The following PASK variants were observed in gnomAD, a reference collection of about 807,000 sequenced individuals.
The protein encoded by PASK is PAS domain-containing serine/threonine-protein kinase.
Under a neutral mutation model 121.0 loss-of-function variants are expected in PASK, and 110 were observed. The ratio of observed to expected loss-of-function variants is 0.91; its 90% confidence interval spans 0.78 to 1.06. The LOEUF (loss-of-function observed/expected upper bound fraction) is 1.06, where lower values mean the gene tolerates loss of function less well. PASK is among the 50% of genes least tolerant of loss of function. The pLI, the probability that PASK is intolerant of heterozygous loss-of-function variation, is 0.00. For synonymous variants in PASK, 686 were observed against 717.8 expected (o/e 0.96, Z 0.71); for missense variants, 1,643 against 1,702.3 (o/e 0.97, Z 0.61).
At chr2:241,120,215 A>G (rs774578760) in intron 12 of PASK, among the ~76,000 whole-genome samples, 11 of 152,150 alleles carry the variant, frequency 7.2e-5, no homozygotes, top group Non-Finnish European at 1.6e-4. Flanking sequence ...GGGCAGGGCC[A>G]GGCACAGTGG....
chr2:241,132,144 C>A (rs2066174926), intron 9 of PASK, among the ~76,000 whole-genome samples: 1 of 150,280 alleles, frequency 6.7e-6, no homozygotes, highest in South Asian at 2.1e-4. Context: ...GAGAATAGAA[C>A]AAGTTTTTAT....
chr2:241,114,182 AG>A, intron 14 of PASK: 1 of 977,052 alleles, frequency 1.0e-6, no homozygotes, highest in Non-Finnish European at 1.2e-6. Flanking sequence ...ACACAGGAAG[AG>A]GGAGAGAGGT....
At chr2:241,133,868 G>A (rs532219654) in intron 8 of PASK, 1 of 152,116 alleles carries the variant, frequency 6.6e-6, no homozygotes, top group African/African-American at 2.4e-5. Context: ...TGTAATCCCA[G>A]CTACTCGGAA....
At chr2:241,150,064 G>A, upstream of PASK, 1 of 1,332,550 alleles carries the variant, frequency 7.5e-7, no homozygotes, top group Middle Eastern at 2.8e-4. Context: ...GATGCACGTA[G>A]GACTGGCCCG....
In PASK at chr2:241,139,915, G is replaced by A. The variant is rs749540058; in HGVS notation, c.570C>T (p.Asp190=). The part of the protein sequence containing the change: ...EALSEEHMEA[D]GHAAVVFGTV... Reference sequence around the variant, plus strand: ...TGCCAAACACCACCGCAGCGTGGCCGTCGGCCTCCATGTGCTCCTCGCTGA... The same window carrying A: ...TGCCAAACACCACCGCAGCGTGGCCATCGGCCTCCATGTGCTCCTCGCTGA... The change falls in exon 4 of 18, where the codon GAC becomes GAT. Residue 190 remains aspartate, a synonymous_variant. Coordinates refer to ENST00000234040, the MANE Select transcript of PASK (RefSeq NM_015148.4). 37 of 1,614,028 alleles carry A rather than the reference G, an allele frequency of 2.3e-5. No homozygotes were observed. The highest frequency in any genetic ancestry group is 8.3e-5 in the Admixed American group (5 of 60,010).
In PASK at chr2:241,149,443, G is replaced by A. The variant is rs140964019; in HGVS notation, c.-72C>T. ...ATCAGGCGAGGGTCACGCCAAGCCG[G>A]CTACACACCACGGAAAGGAGCCCTT... On this transcript the variant is annotated 5_prime_UTR_variant, in exon 1 of 18. Transcript: ENST00000234040. 1.8e-6 allele frequency: 1 copy of A among 569,830 alleles called. No homozygotes were observed. Among genetic ancestry groups the A allele is most frequent in the South Asian group, 2.1e-5 (1 of 48,326 alleles). 35.3% of individuals were successfully genotyped at this position (569,830 alleles called of 1,614,324 possible). A position where few individuals can be genotyped will look rare whatever the true frequency, so the allele number is the denominator to read the frequency against.
chr2:241,138,626 G>A (rs1334254280), intron 5 of PASK, 28 bp downstream of exon 5: 1 of 1,613,338 alleles, frequency 6.2e-7, no homozygotes, highest in Admixed American at 1.7e-5. Flanking sequence ...CAGCGTCCAT[G>A]AGACATGAGG....
chr2:241,146,294 A>AACT (rs2066950372), intron 1 of PASK, among the ~76,000 whole-genome samples: 1 of 152,240 alleles, frequency 6.6e-6, no homozygotes, highest in Non-Finnish European at 1.5e-5. Flanking sequence ...ATCTCTTTAG[A>AACT]AAACAATTCA....
chr2:241,123,408 G>A (rs1559370643), intron 11 of PASK, among the ~76,000 whole-genome samples: 1 of 151,940 alleles, frequency 6.6e-6, no homozygotes, highest in Non-Finnish European at 1.5e-5. Flanking sequence ...TTGATCTCCT[G>A]ACCTCGTGAT....
chr2:241,140,527 G>A lies in PASK; in HGVS notation c.423C>T (p.Thr141=), dbSNP rs2066653431. 6.9e-6 allele frequency: 11 copies of A among 1,604,612 alleles called. No individual in the cohort carries two copies. The highest frequency in any genetic ancestry group is 9.4e-6 in the Non-Finnish European group (11 of 1,172,178). The change falls in exon 3 of 18, where the codon ACC becomes ACT. Residue 141 remains threonine (T), a synonymous_variant. Transcript: ENST00000234040. ...NKAIFTVDAK[T]TEILVANDKA... ...CTAAAAGAGAAGCAAATACCTCTGT[G>A]GTCTTGGCATCCACCGTGAAGATGG... is the stretch of plus-strand genomic sequence containing the variant.
chr2:241,129,823 G>A (rs1233467717), intron 9 of PASK, among the ~76,000 whole-genome samples: 1 of 152,226 alleles, frequency 6.6e-6, no homozygotes, highest in Non-Finnish European at 1.5e-5. Context: ...ACCCAGGGCA[G>A]CCCCAGGGAC....
intron 12 of PASK, chr2:241,118,952 T>A: frequency 9.8e-7 from 1 of 1,023,682 alleles, no homozygotes; most frequent in Non-Finnish European, 1.2e-6. Context: ...AAGCTGCCCG[T>A]GGCTGGCAAG....
In PASK at chr2:241,127,251, G is replaced by T; in HGVS notation, c.1664C>A (p.Ala555Asp). 1 of 1,614,226 alleles carries T rather than the reference G, an allele frequency of 6.2e-7. No homozygotes were observed. The highest frequency in any genetic ancestry group is 2.2e-5 in the East Asian group (1 of 44,884). Residue 555 changes from alanine (A) to aspartate (D), a missense_variant, in exon 10 of 18, where the codon GCT becomes GAT. Coordinates refer to ENST00000234040, the MANE Select transcript of PASK (RefSeq NM_015148.4). ...SCEDSEAPVPAEDGGSDAGMC... is the reference protein window; with the variant it reads ...SCEDSEAPVPDEDGGSDAGMC... The stretch of plus-strand genomic sequence containing the variant: ...GCCAGCATCACTGCCCCCATCCTCA[G>T]CTGGGACTGGAGCTTCAGAATCTTC...
chr2:241,126,786 C>T lies in PASK; in HGVS notation c.2129G>A (p.Gly710Asp), dbSNP rs201354315. The T allele has an allele frequency of 1.4e-5, 22 of 1,614,032 alleles. No individual in the cohort carries two copies. In the East Asian group the frequency reaches 3.6e-4, roughly 26 times the overall value. The change falls in exon 10 of 18, where the codon GGC (glycine) becomes GAC (aspartate). Residue 710 changes from glycine to aspartate, a missense_variant. Physicochemically the swap from Gly to Asp is moderately conservative, Grantham distance 94. Around this residue, in one of 3 missense-constraint regions of PASK, gnomAD observed 1,176 missense variants for 1,162.2 expected, o/e 1.01. Transcript: ENST00000234040. ...GGRDLCGGCTGSSSACYALAT... is the reference protein window; with the variant it reads ...GGRDLCGGCTDSSSACYALAT... ...CAAGGCATAGCAGGCTGAGGAGCTG[C>T]CCGTGCAGCCACCGCACAGGTCTCT... is the stretch of plus-strand genomic sequence containing the variant.
chr2:241,137,336 C>A, intron 6 of PASK, 72 bp from the exon 7 acceptor site: 3 of 1,268,290 alleles, frequency 2.4e-6, no homozygotes, highest in Non-Finnish European at 3.5e-6. Context: ...GTGCTGCGTC[C>A]GACCCGACTT....
chr2:241,135,127 C>A (rs773311956), intron 8 of PASK, among the ~76,000 whole-genome samples: 3 of 152,218 alleles, frequency 2.0e-5, no homozygotes, highest in Non-Finnish European at 4.4e-5. Context: ...AGTGTGCTCA[C>A]CCTGTCTTCA....
In PASK at chr2:241,143,041, G is replaced by A. The variant is rs2066783602; in HGVS notation, c.-9C>T. 1 of 1,610,364 alleles carries A rather than the reference G, an allele frequency of 6.2e-7. No individual in the cohort carries two copies. On this transcript the variant is annotated 5_prime_UTR_variant, in exon 2 of 18. Transcript: ENST00000234040. ...AAGCCCCCGTCCTCCATGGGAAGAA[G>A]GGAGGCCAACTGCCAAGCTTCCAAC...
chr2:241,114,864 C>T (rs2065260212), intron 14 of PASK, 179 bp downstream of exon 14: 3 of 1,510,382 alleles, frequency 2.0e-6, no homozygotes, highest in South Asian at 2.7e-5. Context: ...ACCTCACTTT[C>T]TCTACTTCAA....
chr2:241,129,012 T>C (rs1405720315), intron 9 of PASK, among the ~76,000 whole-genome samples: 8 of 118,048 alleles, frequency 6.8e-5, no homozygotes. Flanking sequence ...TCTCCCTCCA[T>C]GTCTCCCGCC....
Sources: allele counts gnomAD v4.1 joint callset (sites outside exome capture counted in the v4.1 genomes callset), GRCh38; gene constraint gnomAD v4.1.1; regional missense constraint gnomAD v4.1.1; transcripts MANE v1.5; gene names NCBI Gene and HGNC (gene_info 2026-07-23, HGNC 2026-07-21).